MCTP1: variants seen among roughly 807,000 people sequenced by gnomAD.
The protein encoded by MCTP1 is multiple C2 and transmembrane domain-containing protein 1.
A neutral mutation model predicts 120.6 loss-of-function variants in MCTP1; 69 were observed. The ratio of observed to expected loss-of-function variants is 0.57; its 90% CI spans 0.47 to 0.70. The LOEUF (loss-of-function observed/expected upper bound fraction) is 0.70. Among genes scored for constraint, MCTP1 ranks in the 30% least tolerant of loss-of-function variants. MCTP1 has a pLI of 0.00. For synonymous variants in MCTP1, 529 were observed against 493.1 expected (o/e 1.07, Z -0.96); for missense variants, 1,203 against 1,248.8 (o/e 0.96, Z 0.55).
intron 1 of MCTP1, among the ~76,000 whole-genome samples, chr5:95,273,653 T>C (rs1759583845): frequency 6.6e-6 from 1 of 152,224 alleles, no homozygotes; most frequent in Non-Finnish European, 1.5e-5. Context: ...AACCATTTTA[T>C]TCTGAAGAAC....
At chr5:94,717,533 AAG>A (rs924776835) in intron 19 of MCTP1, among the ~76,000 whole-genome samples, 6 of 152,178 alleles carry the variant, frequency 3.9e-5, no homozygotes, top group African/African-American at 1.2e-4. Flanking sequence ...GCAATCAGGC[AAG>A]AGAGAGAAAT....
intron 5 of MCTP1, among the ~76,000 whole-genome samples, chr5:94,933,555 A>G (rs1815344453): frequency 6.6e-6 from 1 of 151,912 alleles, no homozygotes; most frequent in African/African-American, 2.4e-5. Flanking sequence ...AGAATGGTAT[A>G]TCCTAGAGAT....
chr5:95,232,263 A>C (rs1755048213), intron 1 of MCTP1, among the ~76,000 whole-genome samples: 1 of 151,792 alleles, frequency 6.6e-6, no homozygotes, highest in African/African-American at 2.4e-5. Context: ...ACAAAGGAAA[A>C]GGGAAAGGAA....
At chr5:94,949,111 A>G (rs1306196528) in intron 3 of MCTP1, among the ~76,000 whole-genome samples, 1 of 152,056 alleles carries the variant, frequency 6.6e-6, no homozygotes, top group Non-Finnish European at 1.5e-5. Flanking sequence ...CCCAATTAAT[A>G]CTCCAATCTC....
chr5:95,088,005 G>T (rs761546786), intron 1 of MCTP1, among the ~76,000 whole-genome samples: 5 of 152,182 alleles, frequency 3.3e-5, no homozygotes, highest in Non-Finnish European at 7.4e-5. Context: ...AGCAAAATGC[G>T]CTGGGTGGGA....
intron 1 of MCTP1, among the ~76,000 whole-genome samples, chr5:95,020,687 T>C (rs988282212): frequency 2.0e-5 from 3 of 152,062 alleles, no homozygotes; most frequent in South Asian, 4.1e-4. Flanking sequence ...GCAATATGTA[T>C]TGATTCTCAT....
chr5:94,709,753 T>TAGG (rs1756123168), intron 21 of MCTP1: 1 of 151,530 alleles, frequency 6.6e-6, no homozygotes, highest in Admixed American at 6.6e-5. Flanking sequence ...AAGGAAAAAA[T>TAGG]AATTACCATT....
At chr5:95,021,311 T>C (rs1838163132) in intron 1 of MCTP1, among the ~76,000 whole-genome samples, 1 of 152,090 alleles carries the variant, frequency 6.6e-6, no homozygotes, top group Non-Finnish European at 1.5e-5. Flanking sequence ...GCTTGGCACA[T>C]AGTAAGCACT....
At chr5:94,889,747 A>ATAC (rs1399876499) in intron 11 of MCTP1, among the ~76,000 whole-genome samples, 31 of 103,390 alleles carry the variant, frequency 3.0e-4, no homozygotes, top group Non-Finnish European at 5.2e-4. Context: ...TCATGAATGT[A>ATAC]CACCACACAC....
chr5:94,846,661 A>C (rs973942593), intron 17 of MCTP1, among the ~76,000 whole-genome samples: 1 of 152,154 alleles, frequency 6.6e-6, no homozygotes, highest in Non-Finnish European at 1.5e-5. Context: ...AACGTTTTTT[A>C]AAAAAGAATA....
chr5:95,197,982 A>G (rs1327633541), intron 1 of MCTP1, among the ~76,000 whole-genome samples: 1 of 152,204 alleles, frequency 6.6e-6, no homozygotes, highest in Admixed American at 6.5e-5. Flanking sequence ...TGTTTAGGGA[A>G]TAATGACAAG....
intron 1 of MCTP1, among the ~76,000 whole-genome samples, chr5:95,076,462 A>G (rs1414168332): frequency 6.6e-6 from 1 of 152,140 alleles, no homozygotes; most frequent in African/African-American, 2.4e-5. Context: ...GAAAAAAAAA[A>G]AAAAAAAGGA....
intron 2 of MCTP1, among the ~76,000 whole-genome samples, chr5:95,011,197 A>G (rs1229603661): frequency 6.6e-6 from 1 of 152,158 alleles, no homozygotes; most frequent in African/African-American, 2.4e-5. Context: ...TCTATTTCAC[A>G]TCATAACTGT....
rs536629759 is a variant in MCTP1, at chr5:94,762,439, G to A, written c.2610+16671C>T. Among the ~76,000 whole-genome samples, 18 of 152,100 alleles carry A rather than the reference G, an allele frequency of 1.2e-4. 1 individual carries two copies. Among genetic ancestry groups the A allele is most frequent in the Non-Finnish European group, 2.6e-4 (18 of 68,022 alleles). On this transcript the variant is annotated intron_variant, in intron 19 of 22. Coordinates refer to ENST00000515393, the MANE Select transcript of MCTP1 (RefSeq NM_024717.7). ...TTTTCCATTTACATTTGTCTTTCTT[G>A]TTTCCACGTTGGATCTGTGCTTACT... is the stretch of plus-strand genomic sequence containing the variant.
intron 19 of MCTP1, among the ~76,000 whole-genome samples, chr5:94,742,890 G>C (rs1350812747): frequency 6.6e-6 from 1 of 151,968 alleles, no homozygotes. Context: ...TATCTGCTAG[G>C]CTGGGGGAGA....
At chr5:94,950,728 C>A (rs1407503884) in intron 3 of MCTP1, among the ~76,000 whole-genome samples, 1 of 151,864 alleles carries the variant, frequency 6.6e-6, no homozygotes, top group Admixed American at 6.6e-5. Context: ...CCGAGGAGGG[C>A]AGATCACGAG....
chr5:94,779,109 C>T lies in MCTP1; in HGVS notation c.2610+1G>A, dbSNP rs1330579838. On this transcript the variant is annotated splice_donor_variant, in intron 19 of 22. Coordinates refer to ENST00000515393, the MANE Select transcript of MCTP1 (RefSeq NM_024717.7). LOFTEE classifies it high-confidence loss of function. ...ACCCAAGTGCTGGGAAAGATAATTA[C>T]CTTGTCATCTTTGTCATCTTCTTCT... The T allele has an allele frequency of 6.2e-7, 1 of 1,611,992 alleles. No homozygotes were observed. The highest frequency in any genetic ancestry group is 8.5e-7 in the Non-Finnish European group (1 of 1,178,162).
chr5:94,921,784 T>A (rs1235083481), intron 7 of MCTP1, among the ~76,000 whole-genome samples: 5 of 152,142 alleles, frequency 3.3e-5, no homozygotes, highest in Admixed American at 2.0e-4. Context: ...AACACATCCA[T>A]CCATTGGTGG....
intron 1 of MCTP1, among the ~76,000 whole-genome samples, chr5:95,243,358 G>C (rs1756382203): frequency 6.6e-6 from 1 of 152,172 alleles, no homozygotes; most frequent in Admixed American, 6.5e-5. Context: ...TTTGGGCTGA[G>C]ACTTAAAGAG....
Sources: allele counts gnomAD v4.1 joint callset (sites outside exome capture counted in the v4.1 genomes callset), GRCh38; gene constraint gnomAD v4.1.1; transcripts MANE v1.5; gene names NCBI Gene and HGNC (gene_info 2026-07-23, HGNC 2026-07-21).